Variants in ESR2 observed in about 807,000 individuals in gnomAD.
The protein encoded by ESR2 is estrogen receptor beta.
ESR2 carries 36 observed loss-of-function variants against 49.6 expected under a neutral mutation model. The ratio of observed to expected loss-of-function variants is 0.73; its 90% CI spans 0.56 to 0.96. The LOEUF (loss-of-function observed/expected upper bound fraction) is 0.96. Among genes scored for constraint, ESR2 ranks in the 40% least tolerant of loss-of-function variants. ESR2 has a pLI of 0.00. For synonymous variants in ESR2, 320 were observed against 266.1 expected, an observed-to-expected ratio of 1.20 and a Z score of -1.97; for missense variants, 714 against 693.0, an observed-to-expected ratio of 1.03 and a Z score of -0.34.
chr14:64,237,363 G>T lies in ESR2; in HGVS notation c.1226-2213C>A, dbSNP rs147061342. 2.7e-3 allele frequency among the ~76,000 whole-genome samples: 406 copies of T among 152,306 alleles called. 3 individuals carry two copies. The highest frequency in any genetic ancestry group is 9.2e-3 in the African/African-American group (383 of 41,564). On this transcript the variant is annotated intron_variant, in intron 7 of 8. Coordinates refer to ENST00000341099, the MANE Select transcript of ESR2 (RefSeq NM_001437.3). ...CACAGAAAATTATCAAAAGTACAGA[G>T]AAAATTATTTCAAGCTTACTTTCCC...
At chr14:64,310,034 C>T (rs1167046709) in intron 1 of ESR2, among the ~76,000 whole-genome samples, 1 of 151,872 alleles carries the variant, frequency 6.6e-6, no homozygotes, top group Non-Finnish European at 1.5e-5. Flanking sequence ...TGCAGTGAGC[C>T]GAGATCACGC....
At chr14:64,273,998 G>A (rs2140785425) in intron 3 of ESR2, among the ~76,000 whole-genome samples, 1 of 148,856 alleles carries the variant, frequency 6.7e-6, no homozygotes, top group Non-Finnish European at 1.5e-5. Context: ...AGAATGCAGT[G>A]GTGCAATCTT....
upstream of ESR2, among the ~76,000 whole-genome samples, chr14:64,298,703 C>G (rs1002788835): frequency 1.3e-5 from 2 of 152,208 alleles, no homozygotes; most frequent in African/African-American, 4.8e-5. Flanking sequence ...CAAGCAGCAC[C>G]TGCAGCCAAC....
chr14:64,291,852 G>A (rs1187599624), intron 1 of ESR2, among the ~76,000 whole-genome samples: 1 of 151,640 alleles, frequency 6.6e-6, no homozygotes, highest in East Asian at 1.9e-4. Flanking sequence ...TTGATAATAT[G>A]CAATTTCAGG....
At chr14:64,325,425 G>C (rs944236484) in intron 1 of ESR2, among the ~76,000 whole-genome samples, 2 of 152,168 alleles carry the variant, frequency 1.3e-5, no homozygotes, top group African/African-American at 4.8e-5. Context: ...GCATAGACTG[G>C]ATCTGGGAGA....
intron 6 of ESR2, among the ~76,000 whole-genome samples, chr14:64,256,435 T>C (rs1306237311): frequency 1.3e-5 from 2 of 152,178 alleles, no homozygotes; most frequent in Non-Finnish European, 2.9e-5. Context: ...TGCATTAGAA[T>C]GTGTTAAAGC....
At chr14:64,314,015 A>G (rs112593266) in intron 1 of ESR2, among the ~76,000 whole-genome samples, 2,556 of 152,292 alleles carry the variant, frequency 0.017, 80 homozygotes, top group African/African-American at 0.057. Flanking sequence ...CCACACCAGC[A>G]TCAACAAAAT....
chr14:64,322,047 A>T (rs1000082748), intron 1 of ESR2, among the ~76,000 whole-genome samples: 43 of 151,866 alleles, frequency 2.8e-4, no homozygotes, highest in African/African-American at 1.0e-3. Flanking sequence ...AATCTATAAT[A>T]AAAATAAAAA....
Position 64,285,140 on chromosome 14 carries a change from T to G in ESR2, c.-90-2065A>C, listed in dbSNP as rs747289020. On this transcript the variant is annotated intron_variant, in intron 1 of 8. Transcript: ENST00000341099. ...CTGGGATTACAGGCGTGAGCCACTGTGCCCGGCCAGCTCTCATTACTTCTT... is the reference window on the plus strand; with the variant it reads ...CTGGGATTACAGGCGTGAGCCACTGGGCCCGGCCAGCTCTCATTACTTCTT... 4.6e-5 allele frequency among the ~76,000 whole-genome samples: 7 copies of G among 152,274 alleles called. No individual in the cohort carries two copies. In the East Asian group the frequency reaches 1.4e-3, roughly 29 times the overall value.
intron 1 of ESR2, among the ~76,000 whole-genome samples, chr14:64,326,276 C>T (rs1378314100): frequency 2.0e-5 from 3 of 152,094 alleles, no homozygotes; most frequent in East Asian, 3.8e-4. Flanking sequence ...CTCCTCAACC[C>T]TCCTTCACTC....
downstream of ESR2, chr14:64,227,545 C>G: frequency 1.2e-6 from 2 of 1,614,210 alleles, no homozygotes; most frequent in Non-Finnish European, 1.7e-6. Flanking sequence ...ACTGCTCCAT[C>G]GTTGCTTCAG....
intron 1 of ESR2, among the ~76,000 whole-genome samples, chr14:64,327,945 GC>G (rs2077409417): frequency 6.6e-6 from 1 of 151,102 alleles, no homozygotes; most frequent in Admixed American, 6.6e-5. Flanking sequence ...AGTGGCTCAA[GC>G]CTATAATCCC....
At chr14:64,286,007 G>A (rs1435340791) in intron 1 of ESR2, among the ~76,000 whole-genome samples, 1 of 152,144 alleles carries the variant, frequency 6.6e-6, no homozygotes, top group Admixed American at 6.5e-5. Context: ...CATTAAAGAT[G>A]GGGGGTGCTG....
intron 7 of ESR2, among the ~76,000 whole-genome samples, chr14:64,236,278 A>G (rs1254206735): frequency 6.6e-6 from 1 of 152,186 alleles, no homozygotes; most frequent in African/African-American, 2.4e-5. Context: ...TAAAATATTC[A>G]TCTTTTCAAT....
chr14:64,246,201 C>T (rs1047622566), intron 7 of ESR2, among the ~76,000 whole-genome samples: 9 of 152,146 alleles, frequency 5.9e-5, no homozygotes, highest in Admixed American at 2.6e-4. Flanking sequence ...TGTGTCCCCA[C>T]CCAAATCTCA....
chr14:64,316,440 C>T (rs928709314), intron 1 of ESR2, among the ~76,000 whole-genome samples: 1 of 152,170 alleles, frequency 6.6e-6, no homozygotes, highest in Non-Finnish European at 1.5e-5. Flanking sequence ...AAAATAGACA[C>T]AGAGAATACT....
At chr14:64,314,829 G>A (rs1250514862) in intron 1 of ESR2, among the ~76,000 whole-genome samples, 3 of 111,986 alleles carry the variant, frequency 2.7e-5, no homozygotes, top group Admixed American at 1.3e-4. Flanking sequence ...AGTGAGCCGA[G>A]ATCACACTAC....
chr14:64,294,072 C>A lies in ESR2; in HGVS notation c.-130G>T, dbSNP rs973937132. The A allele has an allele frequency of 2.0e-5, 3 of 152,262 alleles. No homozygotes were observed. Among genetic ancestry groups the A allele is most frequent in the African/African-American group, 4.8e-5 (2 of 41,466 alleles). The allele number at this position is 152,262 out of a possible 1,614,324, so 9.4% of individuals were successfully genotyped here. A position where few individuals can be genotyped will look rare whatever the true frequency, so the allele number is the denominator to read the frequency against. On this transcript the variant is annotated 5_prime_UTR_variant, in exon 1 of 9. Transcript: ENST00000341099. ...CACCGGCCTTGCCTTCTCTAAAATGCGGACACGTGCTTTTCCCGCATTAGG... is the reference window on the plus strand; with the variant it reads ...CACCGGCCTTGCCTTCTCTAAAATGAGGACACGTGCTTTTCCCGCATTAGG...
chr14:64,322,209 C>A (rs1302618039), intron 1 of ESR2, among the ~76,000 whole-genome samples: 2 of 152,070 alleles, frequency 1.3e-5, no homozygotes, highest in African/African-American at 4.8e-5. Context: ...CAGGTACCCA[C>A]CACCATGCCC....
Sources: gnomAD v4.1 joint callset for allele counts (sites outside exome capture counted in the v4.1 genomes callset) on GRCh38, gnomAD v4.1.1 for gene constraint, MANE v1.5 for transcripts, NCBI Gene and HGNC (gene_info 2026-07-23, HGNC 2026-07-21) for gene names.